WASF1: variants seen among roughly 807,000 people sequenced by gnomAD.
WASF1 encodes WASP family member 1.
WASF1 carries 7 observed loss-of-function variants against 50.5 expected under a neutral mutation model. The observed-to-expected ratio is 0.14, with a 90% confidence interval of 0.08 to 0.26. WASF1 has a LOEUF of 0.26. WASF1 is among the 10% of genes least tolerant of loss of function. The probability of loss-of-function intolerance (pLI) is 1.00; values close to 1 mark genes in which losing one functional copy is unlikely to be tolerated. For synonymous variants in WASF1, 205 were observed against 244.0 expected (o/e 0.84, Z 1.49); for missense variants, 470 against 694.7 (o/e 0.68, Z 3.64).
chr6:110,173,305 C>T (rs1776793173), intron 2 of WASF1, among the ~76,000 whole-genome samples: 1 of 151,872 alleles, frequency 6.6e-6, no homozygotes, highest in South Asian at 2.1e-4. Flanking sequence ...ATCAAGCACA[C>T]CAAATTAAAA....
At chr6:110,123,270 AGG>A (rs71711483) in intron 4 of WASF1, among the ~76,000 whole-genome samples, 10,012 of 152,214 alleles carry the variant, frequency 0.066, 437 homozygotes, top group Middle Eastern at 0.17. Context: ...TATCTGTCCC[AGG>A]GATGCCCAAG....
chr6:110,146,603 G>A (rs1454306998), intron 3 of WASF1, among the ~76,000 whole-genome samples: 4 of 151,484 alleles, frequency 2.6e-5, no homozygotes, highest in East Asian at 3.9e-4. Flanking sequence ...GTCTTTAAAC[G>A]GTGATTTAAT....
At chr6:110,144,676 A>G (rs1775453007) in intron 3 of WASF1, among the ~76,000 whole-genome samples, 2 of 152,154 alleles carry the variant, frequency 1.3e-5, no homozygotes, top group Non-Finnish European at 1.5e-5. Flanking sequence ...TCAGCTTTCT[A>G]CATATGGCTA....
intron 2 of WASF1, among the ~76,000 whole-genome samples, chr6:110,177,842 TACA>T (rs1268319848): frequency 1.3e-5 from 2 of 151,872 alleles, no homozygotes; most frequent in East Asian, 1.9e-4. Context: ...ATTATAAAAA[TACA>T]ACACTTACTT....
At chr6:110,116,806 C>T (rs1773833896) in intron 4 of WASF1, among the ~76,000 whole-genome samples, 1 of 152,088 alleles carries the variant, frequency 6.6e-6, no homozygotes, top group African/African-American at 2.4e-5. Context: ...GGTGGGTGCC[C>T]CTCTGGGATG....
intron 8 of WASF1, among the ~76,000 whole-genome samples, chr6:110,104,763 T>C (rs1773244314): frequency 6.6e-6 from 1 of 152,168 alleles, no homozygotes; most frequent in African/African-American, 2.4e-5. Flanking sequence ...CACTCCACCC[T>C]GGGCGATAGA....
chr6:110,142,174 G>A (rs1198107330), intron 3 of WASF1, among the ~76,000 whole-genome samples: 10 of 152,174 alleles, frequency 6.6e-5, no homozygotes, highest in African/African-American at 2.4e-4. Flanking sequence ...GAAAAAGCAT[G>A]GATGGATCAT....
chr6:110,102,684 T>C (rs1773147359), intron 9 of WASF1, among the ~76,000 whole-genome samples: 1 of 150,994 alleles, frequency 6.6e-6, no homozygotes, highest in African/African-American at 2.5e-5. Context: ...CAAAAAGAAA[T>C]TTACAGCTCT....
intron 3 of WASF1, among the ~76,000 whole-genome samples, chr6:110,145,077 C>T (rs1775487207): frequency 6.6e-6 from 1 of 152,150 alleles, no homozygotes; most frequent in South Asian, 2.1e-4. Context: ...GAAACTGTTT[C>T]TTCCTACCCA....
intron 4 of WASF1, among the ~76,000 whole-genome samples, chr6:110,118,841 G>A (rs1273861874): frequency 1.3e-5 from 2 of 152,118 alleles, no homozygotes; most frequent in African/African-American, 4.8e-5. Context: ...ACAACGAACT[G>A]TCCCTCAGAT....
At chr6:110,145,359 G>A (rs1431158367) in intron 3 of WASF1, among the ~76,000 whole-genome samples, 3 of 152,282 alleles carry the variant, frequency 2.0e-5, no homozygotes, top group Admixed American at 6.5e-5. Flanking sequence ...GAGATTTTGG[G>A]CTGAGACAAT....
In WASF1 at chr6:110,177,977, T is replaced by A. The variant is rs532082167; in HGVS notation, c.-127+621A>T. ...AAAAAAATTTCATCCTTCAGGTAGA[T>A]CACGCAAAACTGAAGCCTACTCATA... On this transcript the variant is annotated intron_variant, in intron 2 of 10. Transcript: ENST00000392589. Among the ~76,000 whole-genome samples the A allele has an allele frequency of 6.0e-5, 9 of 150,768 alleles. No individual in the cohort carries two copies. In the East Asian group the frequency reaches 7.8e-4, roughly 13 times the overall value.
At chr6:110,173,208 TTTCAAATAAG>T (rs1440530946) in intron 2 of WASF1, among the ~76,000 whole-genome samples, 8 of 152,128 alleles carry the variant, frequency 5.3e-5, no homozygotes, top group Non-Finnish European at 8.8e-5. Flanking sequence ...CTTTTCTTCT[TTTCAAATAAG>T]TTAGTCAATG....
At chr6:110,177,997 C>T (rs1380569061) in intron 2 of WASF1, among the ~76,000 whole-genome samples, 3 of 149,576 alleles carry the variant, frequency 2.0e-5, no homozygotes, top group Non-Finnish European at 3.0e-5. Context: ...CTGAAGCCTA[C>T]TCATACTTGT....
intron 3 of WASF1, among the ~76,000 whole-genome samples, chr6:110,132,538 ATTATT>A (rs1056526252): frequency 2.0e-5 from 3 of 151,688 alleles, no homozygotes; most frequent in African/African-American, 7.3e-5. Flanking sequence ...TTCCTTTATT[ATTATT>A]TTATTTTAAT....
intron 2 of WASF1, among the ~76,000 whole-genome samples, chr6:110,164,459 A>G (rs1584026944): frequency 6.6e-6 from 1 of 151,748 alleles, no homozygotes; most frequent in Non-Finnish European, 1.5e-5. Flanking sequence ...ATATGAAAAG[A>G]TGCTCAACAT....
At chr6:110,134,809 C>T (rs1774871205) in intron 3 of WASF1, among the ~76,000 whole-genome samples, 1 of 152,112 alleles carries the variant, frequency 6.6e-6, no homozygotes, top group Non-Finnish European at 1.5e-5. Context: ...AATGTGATGT[C>T]TCCAGATTTG....
intron 3 of WASF1, among the ~76,000 whole-genome samples, chr6:110,144,350 A>T (rs1315949990): frequency 1.3e-5 from 2 of 152,010 alleles, no homozygotes; most frequent in South Asian, 2.1e-4. Flanking sequence ...TTCATTGTAG[A>T]TTCTGGATAT....
At chr6:110,139,394 C>T (rs894175218) in intron 3 of WASF1, among the ~76,000 whole-genome samples, 8 of 152,194 alleles carry the variant, frequency 5.3e-5, no homozygotes, top group African/African-American at 1.9e-4. Context: ...CAGCCCTGAC[C>T]GCTCCTCCCC....
Sources: gnomAD v4.1 joint callset for allele counts (sites outside exome capture counted in the v4.1 genomes callset) on GRCh38, gnomAD v4.1.1 for gene constraint, MANE v1.5 for transcripts, NCBI Gene and HGNC (gene_info 2026-07-23, HGNC 2026-07-21) for gene names.